CHL1: variants seen among roughly 807,000 people sequenced by gnomAD.
The protein encoded by CHL1 is cell adhesion molecule L1 like.
In CHL1, 96 loss-of-function variants were observed where a neutral mutation model predicts 141.9. The ratio of observed to expected loss-of-function variants is 0.68; its 90% CI spans 0.57 to 0.80. The LOEUF is 0.80. CHL1 is among the 30% of genes least tolerant of loss of function. CHL1 has a pLI of 0.00. For missense variants in CHL1, 1,820 were observed against 1,457.2 expected, an observed-to-expected ratio of 1.25 and a Z score of -4.05; for synonymous variants, 613 against 502.2, an observed-to-expected ratio of 1.22 and a Z score of -2.95.
chr3:267,137 C>T (rs1695226817), intron 2 of CHL1, among the ~76,000 whole-genome samples: 1 of 152,162 alleles, frequency 6.6e-6, no homozygotes, highest in African/African-American at 2.4e-5. Flanking sequence ...TTACTTTGTG[C>T]TCTTTCACAG....
intron 1 of CHL1, among the ~76,000 whole-genome samples, chr3:232,886 C>G (rs1005501659): frequency 6.6e-6 from 1 of 152,142 alleles, no homozygotes; most frequent in African/African-American, 2.4e-5. Context: ...ACTCCACTTC[C>G]TTTTCTACTC....
chr3:284,011 C>T (rs147446578), intron 2 of CHL1, among the ~76,000 whole-genome samples: 41 of 152,234 alleles, frequency 2.7e-4, no homozygotes, highest in Middle Eastern at 6.8e-3. Context: ...ATTCATCCAC[C>T]CATTTATTAT....
Position 224,906 on chromosome 3 carries a change from C to T in CHL1, c.-174-19707C>T, listed in dbSNP as rs1038661995. Among the ~76,000 whole-genome samples, 25 of 151,380 alleles carry T rather than the reference C, an allele frequency of 1.7e-4. 1 individual carries two copies. Among genetic ancestry groups the T allele is most frequent in the African/African-American group, 4.6e-4 (19 of 41,136 alleles). On this transcript the variant is annotated intron_variant, in intron 1 of 27. Transcript: ENST00000256509. ...ATCCCAGCTACTCAGGAGGCTGAGGCGTGCAGATCACCTAAGGTCGAGAGT... is the reference window on the plus strand; with the variant it reads ...ATCCCAGCTACTCAGGAGGCTGAGGTGTGCAGATCACCTAAGGTCGAGAGT...
intron 2 of CHL1, among the ~76,000 whole-genome samples, chr3:310,110 A>G (rs1559234530): frequency 6.6e-6 from 1 of 152,146 alleles, no homozygotes; most frequent in Non-Finnish European, 1.5e-5. Context: ...GTATTTAATA[A>G]CAAGAGAATA....
At position 268,121 on chromosome 3, in the gene CHL1, A is replaced by G. The variant is rs142562079; in HGVS notation, c.-95+23429A>G. 9.8e-5 allele frequency among the ~76,000 whole-genome samples: 15 copies of G among 152,352 alleles called. No individual in the cohort carries two copies. In the East Asian group the frequency reaches 2.7e-3, roughly 27 times the overall value. ...ATGTTCAATAGATACAATCCTTTACATAAAAATGAAAGTAGATTTCTAAAA... is the reference window on the plus strand; with the variant it reads ...ATGTTCAATAGATACAATCCTTTACGTAAAAATGAAAGTAGATTTCTAAAA... On this transcript the variant is annotated intron_variant, in intron 2 of 27. Transcript: ENST00000256509.
At chr3:403,807 C>T (rs185063992) in intron 27 of CHL1, among the ~76,000 whole-genome samples, 4 of 152,312 alleles carry the variant, frequency 2.6e-5, no homozygotes, top group South Asian at 2.1e-4. Context: ...CTACTTTCCA[C>T]ATTATCCCAG....
chr3:342,359 T>C (rs999567583), intron 7 of CHL1, among the ~76,000 whole-genome samples: 1 of 152,182 alleles, frequency 6.6e-6, no homozygotes, highest in Admixed American at 6.6e-5. Flanking sequence ...AAATATACAA[T>C]GAAATTCCAG....
intron 5 of CHL1, among the ~76,000 whole-genome samples, chr3:340,421 C>T (rs1334164512): frequency 6.6e-6 from 1 of 152,120 alleles, no homozygotes; most frequent in Non-Finnish European, 1.5e-5. Flanking sequence ...ATGCAACCGC[C>T]CAAAGTGAAA....
intron 2 of CHL1, among the ~76,000 whole-genome samples, chr3:306,113 A>T (rs1380725936): frequency 1.3e-5 from 2 of 152,144 alleles, no homozygotes; most frequent in Non-Finnish European, 2.9e-5. Flanking sequence ...CGAGGACAAG[A>T]TATGAAGGGT....
At chr3:355,588 T>A (rs562173871) in intron 11 of CHL1, among the ~76,000 whole-genome samples, 2 of 152,346 alleles carry the variant, frequency 1.3e-5, no homozygotes, top group South Asian at 4.1e-4. Context: ...GGCTTCCATT[T>A]GTCCTTTTGC....
chr3:292,788 A>G (rs1326753791), intron 2 of CHL1, among the ~76,000 whole-genome samples: 2 of 152,094 alleles, frequency 1.3e-5, no homozygotes, highest in Non-Finnish European at 2.9e-5. Context: ...AGAGGGAGAG[A>G]GTGGGGGAGG....
chr3:309,416 TTTTCTTCCTC>T lies in CHL1; in HGVS notation c.-94-10260_-94-10251del, dbSNP rs752661920. 82 of 151,412 alleles carry T rather than the reference TTTTCTTCCTC, an allele frequency of 5.4e-4. 1 individual carries two copies. Among genetic ancestry groups the T allele is most frequent in the African/African-American group, 1.5e-3 (63 of 41,110 alleles). The allele number at this position is 151,412 out of a possible 1,614,324, so 9.4% of individuals were successfully genotyped here. A position where few individuals can be genotyped will look rare whatever the true frequency, so the allele number is the denominator to read the frequency against. ...CCTCCTTCCTTCCTTGCTTTCTCTC[TTTTCTTCCTC>T]TTTCTTTCTCTTTCTTTCTTTTCTC... On this transcript the variant is annotated intron_variant, in intron 2 of 27. Transcript: ENST00000256509.
rs377237719 is a variant in CHL1, at chr3:251,273, C to T, written c.-95+6581C>T. ...CTGGGGAGGTAAAAAATTAGTCCAC[C>T]TCTCAGGCAGAGGACAGACAGTGCT... On this transcript the variant is annotated intron_variant, in intron 2 of 27. Transcript: ENST00000256509. 4.6e-5 allele frequency among the ~76,000 whole-genome samples: 7 copies of T among 152,188 alleles called. No individual in the cohort carries two copies. In the East Asian group the frequency reaches 7.7e-4, roughly 17 times the overall value.
chr3:208,529 G>T (rs1200870241), intron 1 of CHL1, among the ~76,000 whole-genome samples: 1 of 147,718 alleles, frequency 6.8e-6, no homozygotes, highest in Non-Finnish European at 1.5e-5. Context: ...CTACACTTTT[G>T]TTTCTGTGCC....
chr3:377,884 C>G lies in CHL1; in HGVS notation c.1818C>G (p.Cys606Trp), dbSNP rs1458565497. 10 of 1,612,446 alleles carry G rather than the reference C, an allele frequency of 6.2e-6. No individual in the cohort carries two copies. The highest frequency in any genetic ancestry group is 2.2e-5 in the East Asian group (1 of 44,838). ...CTTTAGAGGACCAAGGTATTTACTGCTGTTCAGCTCATACTGCTCTAGACA... is the reference window on the plus strand; with the variant it reads ...CTTTAGAGGACCAAGGTATTTACTGGTGTTCAGCTCATACTGCTCTAGACA... ...NVTLEDQGIY[C>W]CSAHTALDSA... The change falls in exon 16 of 28, where the codon TGC becomes TGG. Residue 606 changes from cysteine to tryptophan, a missense_variant. Coordinates refer to ENST00000256509, the MANE Select transcript of CHL1 (RefSeq NM_006614.4).
chr3:399,412 T>C (rs535813784), intron 26 of CHL1, among the ~76,000 whole-genome samples: 254 of 152,098 alleles, frequency 1.7e-3, no homozygotes, highest in African/African-American at 4.9e-3. Flanking sequence ...GAGGCCGAGG[T>C]GGGCGGATCA....
intron 6 of CHL1, 143 bp downstream of exon 6, chr3:341,059 A>G (rs779510563): frequency 2.4e-6 from 2 of 848,454 alleles, no homozygotes; most frequent in Non-Finnish European, 3.6e-6. Context: ...TACTAATATG[A>G]TAAGATTTGT....
intron 2 of CHL1, among the ~76,000 whole-genome samples, chr3:305,552 G>A (rs533410772): frequency 2.6e-5 from 4 of 151,780 alleles, no homozygotes; most frequent in Admixed American, 1.3e-4. Context: ...AGTAACTTGT[G>A]ATTTTTCTAG....
At chr3:277,312 G>T (rs577540042) in intron 2 of CHL1, among the ~76,000 whole-genome samples, 19 of 152,160 alleles carry the variant, frequency 1.2e-4, no homozygotes, top group South Asian at 6.2e-4. Flanking sequence ...AACCATAAAG[G>T]CATTCTTAAG....
Sources: gnomAD v4.1 joint callset for allele counts (sites outside exome capture counted in the v4.1 genomes callset) on GRCh38, gnomAD v4.1.1 for gene constraint, MANE v1.5 for transcripts, NCBI Gene and HGNC (gene_info 2026-07-23, HGNC 2026-07-21) for gene names.